The following TBCD variants were observed in gnomAD, a reference collection of about 807,000 sequenced individuals.
The protein encoded by TBCD is tubulin folding cofactor D.
Under a neutral mutation model 169.3 loss-of-function variants are expected in TBCD, and 105 were observed. That is an observed-to-expected ratio of 0.62 (90% CI 0.53 to 0.73). The LOEUF is 0.73. TBCD is among the 30% of genes least tolerant of loss of function. The pLI, the probability that TBCD is intolerant of heterozygous loss-of-function variation, is 0.00. For missense variants in TBCD, 1,444 were observed against 1,600.1 expected (o/e 0.90, Z 1.66); for synonymous variants, 700 against 643.9 (o/e 1.09, Z -1.32).
intron 4 of TBCD, among the ~76,000 whole-genome samples, chr17:82,768,215 C>T (rs556174487): frequency 1.3e-5 from 2 of 151,984 alleles, no homozygotes; most frequent in South Asian, 4.2e-4. Flanking sequence ...TAAGTTACGG[C>T]GGTAGGTGTG....
At chr17:82,865,353 G>A (rs1669909257) in intron 13 of TBCD, 2 of 635,474 alleles carry the variant, frequency 3.1e-6, no homozygotes, top group African/African-American at 2.0e-5. Flanking sequence ...GCTCTGCACC[G>A]GCAGGCTCCA....
chr17:82,935,651 T>C (rs540701141), intron 34 of TBCD, among the ~76,000 whole-genome samples: 1 of 152,382 alleles, frequency 6.6e-6, no homozygotes, highest in East Asian at 1.9e-4. Flanking sequence ...TTGTCCTTAT[T>C]GGACAATAGC....
In TBCD at chr17:82,835,972, A is replaced by C. The variant is rs1805988164; in HGVS notation, c.1318+21038A>C. ...GGGTGTCGGGTGACACCCTGGGCTC[A>C]GACCCCGCGCTCAGCACCCGTCTCC... is the stretch of plus-strand genomic sequence containing the variant. On this transcript the variant is annotated intron_variant, in intron 13 of 38. Coordinates refer to ENST00000355528, the MANE Select transcript of TBCD (RefSeq NM_005993.5). This position sits in a 1 kb window ranked among gnomAD's most constrained non-coding sequence, Gnocchi z 4.5. 6.6e-6 allele frequency among the ~76,000 whole-genome samples: 1 copy of C among 152,214 alleles called. No individual in the cohort carries two copies. The highest frequency in any genetic ancestry group is 2.4e-5 in the African/African-American group (1 of 41,462).
At chr17:82,775,804 G>A (rs1300977911) in intron 6 of TBCD, among the ~76,000 whole-genome samples, 3 of 151,684 alleles carry the variant, frequency 2.0e-5, no homozygotes, top group African/African-American at 7.3e-5. Flanking sequence ...TGACGAGTTA[G>A]TGGGTGCAGC....
At chr17:82,869,929 C>T (rs1384814007) in intron 13 of TBCD, among the ~76,000 whole-genome samples, 1 of 152,228 alleles carries the variant, frequency 6.6e-6, no homozygotes, top group African/African-American at 2.4e-5. Flanking sequence ...ACTCGGCAGA[C>T]CCCTGGGTGG....
chr17:82,913,630 C>T (rs954354735), intron 23 of TBCD: 1 of 152,372 alleles, frequency 6.6e-6, no homozygotes, highest in African/African-American at 2.4e-5. Flanking sequence ...CCCAGGACGC[C>T]ATTTTGGCTG....
intron 7 of TBCD, among the ~76,000 whole-genome samples, chr17:82,790,696 CT>C (rs1385089069): frequency 6.6e-6 from 1 of 152,202 alleles, no homozygotes; most frequent in African/African-American, 2.4e-5. Context: ...TCAGCACAGC[CT>C]TGTCCTTGTC....
At chr17:82,763,763 C>T (rs898343703) in intron 2 of TBCD, among the ~76,000 whole-genome samples, 5 of 151,932 alleles carry the variant, frequency 3.3e-5, no homozygotes, top group South Asian at 2.1e-4. Flanking sequence ...AAAAAAGAGA[C>T]GGGTTTTGCT....
intron 13 of TBCD, among the ~76,000 whole-genome samples, chr17:82,841,059 C>T (rs1331077946): frequency 6.8e-6 from 1 of 147,584 alleles, no homozygotes; most frequent in Admixed American, 7.0e-5. Context: ...TCTCCTGCCT[C>T]AGCCTCCCGA....
At chr17:82,851,481 C>T (rs2055783878) in intron 13 of TBCD, among the ~76,000 whole-genome samples, 1 of 152,092 alleles carries the variant, frequency 6.6e-6, no homozygotes, top group Admixed American at 6.5e-5. Flanking sequence ...ATAAACACAA[C>T]CAAGCAGAGT....
chr17:82,874,268 G>A lies in TBCD; in HGVS notation c.1475+3888G>A, dbSNP rs1467532750. 6.6e-6 allele frequency among the ~76,000 whole-genome samples: 1 copy of A among 152,196 alleles called. No individual in the cohort carries two copies. Among genetic ancestry groups the A allele is most frequent in the Admixed American group, 6.5e-5 (1 of 15,288 alleles). ...CTGAAGGACTGTAGGACGCACTGTGGGCTGCAGGCTTGAAGAAGGATGTGA... is the reference window on the plus strand; with the variant it reads ...CTGAAGGACTGTAGGACGCACTGTGAGCTGCAGGCTTGAAGAAGGATGTGA... On this transcript the variant is annotated intron_variant, in intron 14 of 38. Coordinates refer to ENST00000355528, the MANE Select transcript of TBCD (RefSeq NM_005993.5). The surrounding 1 kb of genome is among the most constrained non-coding windows in gnomAD (Gnocchi z 5.0).
intron 13 of TBCD, among the ~76,000 whole-genome samples, chr17:82,821,805 A>G: frequency 6.6e-6 from 1 of 152,214 alleles, no homozygotes; most frequent in Non-Finnish European, 1.5e-5. Context: ...ATCAGGTAGT[A>G]AGCCCTGCAT....
intron 7 of TBCD, among the ~76,000 whole-genome samples, chr17:82,795,033 G>A (rs1288353606): frequency 1.3e-5 from 2 of 152,210 alleles, no homozygotes; most frequent in African/African-American, 4.8e-5. Context: ...CAGGTGTGGG[G>A]CATCCAGGCC....
intron 13 of TBCD, chr17:82,860,326 C>T (rs905625232): frequency 2.1e-6 from 2 of 970,960 alleles, no homozygotes; most frequent in Non-Finnish European, 2.4e-6. Flanking sequence ...AGCGTCCCCT[C>T]CCCTCTGGTG....
At chr17:82,819,139 A>T (rs1435094811) in intron 13 of TBCD, among the ~76,000 whole-genome samples, 1 of 152,244 alleles carries the variant, frequency 6.6e-6, no homozygotes. Context: ...AGCATGTTTG[A>T]TGACTAAAGC....
At chr17:82,791,754 C>T (rs1455658934) in intron 7 of TBCD, among the ~76,000 whole-genome samples, 4 of 152,214 alleles carry the variant, frequency 2.6e-5, no homozygotes, top group South Asian at 4.1e-4. Context: ...AACAGTCATG[C>T]GTCCCCTAAC....
At chr17:82,765,357 T>C (rs2047961470) in intron 3 of TBCD, among the ~76,000 whole-genome samples, 1 of 63,146 alleles carries the variant, frequency 1.6e-5, no homozygotes, top group Non-Finnish European at 2.9e-5. Context: ...TCTTACAAGC[T>C]TGCGGGTGTC....
chr17:82,933,828 G>A (rs1487805114), intron 34 of TBCD, among the ~76,000 whole-genome samples: 3 of 151,992 alleles, frequency 2.0e-5, no homozygotes, highest in Non-Finnish European at 2.9e-5. Flanking sequence ...GGTCAGGCTG[G>A]TCTCGAACTC....
intron 13 of TBCD, among the ~76,000 whole-genome samples, chr17:82,867,184 G>A (rs1228289892): frequency 1.3e-5 from 2 of 152,120 alleles, no homozygotes; most frequent in African/African-American, 4.8e-5. Flanking sequence ...GCCTGGGGTG[G>A]GGGGTCTGTG....
Sources: allele counts gnomAD v4.1 joint callset (sites outside exome capture counted in the v4.1 genomes callset), GRCh38; gene constraint gnomAD v4.1.1; non-coding constraint Gnocchi (gnomAD v3.1); transcripts MANE v1.5; gene names NCBI Gene and HGNC (gene_info 2026-07-23, HGNC 2026-07-21).